Variants in C3orf20 observed in about 807,000 individuals in gnomAD.
The protein encoded by C3orf20 is uncharacterized protein C3orf20.
Under a neutral mutation model 88.3 loss-of-function variants are expected in C3orf20, and 76 were observed. That is an observed-to-expected ratio of 0.86 (90% CI 0.72 to 1.04). C3orf20 has a LOEUF of 1.04. Among genes scored for constraint, C3orf20 ranks in the 50% least tolerant of loss-of-function variants. The pLI is 0.00. For missense variants in C3orf20, 1,056 were observed against 1,123.3 expected (o/e 0.94, Z 0.86); for synonymous variants, 436 against 437.4 (o/e 1.00, Z 0.04).
intron 9 of C3orf20, among the ~76,000 whole-genome samples, chr3:14,716,771 A>G (rs1198993545): frequency 6.6e-6 from 1 of 152,184 alleles, no homozygotes; most frequent in East Asian, 1.9e-4. Context: ...AGAGGTTCTC[A>G]TCTCTGGCTG....
rs763781834 is a variant in C3orf20, at chr3:14,728,582, C to G, written c.1834C>G (p.Leu612Val). 1.2e-5 allele frequency: 20 copies of G among 1,614,240 alleles called. No individual in the cohort carries two copies. Among genetic ancestry groups the G allele is most frequent in the Non-Finnish European group, 2.5e-6 (3 of 1,180,044 alleles). Reference protein sequence around the residue: ...ESLLRSQSGHLESSIAETLKD... With the variant: ...ESLLRSQSGHVESSIAETLKD... The stretch of plus-strand genomic sequence containing the variant: ...TCTTTTACGATCTCAGTCAGGCCAC[C>G]TGGAATCCTCAATTGCAGAGACTTT... Residue 612 changes from leucine to valine, a missense_variant, in exon 12 of 17, where the codon CTG becomes GTG. Leu to Val is a conservative substitution (Grantham distance 32). Transcript: ENST00000253697.
At chr3:14,755,307 T>C (rs747466238) in intron 12 of C3orf20, among the ~76,000 whole-genome samples, 6 of 152,232 alleles carry the variant, frequency 3.9e-5, no homozygotes, top group Non-Finnish European at 5.9e-5. Flanking sequence ...TAGTTGACTT[T>C]ATCAATCTTT....
chr3:14,677,559 A>G (rs2031842835), intron 1 of C3orf20, among the ~76,000 whole-genome samples: 2 of 151,756 alleles, frequency 1.3e-5, no homozygotes, highest in African/African-American at 2.4e-5. Context: ...GGAGTGCAAT[A>G]GCGCGATCTC....
At chr3:14,705,717 G>A (rs1225576872) in intron 7 of C3orf20, among the ~76,000 whole-genome samples, 1 of 152,212 alleles carries the variant, frequency 6.6e-6, no homozygotes, top group Non-Finnish European at 1.5e-5. Context: ...TGAGGCCAGA[G>A]AGGGCAAAGC....
At chr3:14,698,129 T>C (rs1436008736) in intron 5 of C3orf20, among the ~76,000 whole-genome samples, 1 of 152,180 alleles carries the variant, frequency 6.6e-6, no homozygotes, top group Admixed American at 6.5e-5. Context: ...TTGAGGAATC[T>C]CCACACTGTC....
chr3:14,752,438 G>A (rs575604212), intron 12 of C3orf20, among the ~76,000 whole-genome samples: 9 of 152,230 alleles, frequency 5.9e-5, no homozygotes, highest in Non-Finnish European at 1.0e-4. Flanking sequence ...TAAAGACTTC[G>A]TGACTAAAAC....
intron 9 of C3orf20, among the ~76,000 whole-genome samples, chr3:14,720,585 T>G (rs1296212125): frequency 6.8e-6 from 1 of 147,674 alleles, no homozygotes; most frequent in Non-Finnish European, 1.5e-5. Flanking sequence ...TGTTGTTGTT[T>G]TTGGTTCAGA....
At chr3:14,732,327 A>G (rs1330205202) in intron 12 of C3orf20, among the ~76,000 whole-genome samples, 1 of 152,202 alleles carries the variant, frequency 6.6e-6, no homozygotes, top group African/African-American at 2.4e-5. Flanking sequence ...ACATTTCAAA[A>G]TTGGATTGTT....
chr3:14,724,330 A>G (rs1386442823), intron 10 of C3orf20, among the ~76,000 whole-genome samples: 1 of 152,172 alleles, frequency 6.6e-6, no homozygotes, highest in Non-Finnish European at 1.5e-5. Flanking sequence ...TGAAGTTTGG[A>G]ATGCAGCTGA....
chr3:14,681,067 T>C lies in C3orf20; in HGVS notation c.-298-1103T>C, dbSNP rs114045290. On this transcript the variant is annotated intron_variant, in intron 1 of 16. Coordinates refer to ENST00000253697, the MANE Select transcript of C3orf20 (RefSeq NM_032137.5). The stretch of plus-strand genomic sequence containing the variant: ...TGTTCCTTGGAGATTTTGTTATTGA[T>C]AGATGGACAGAGGCAGGTCAGAGGC... 1.1e-3 allele frequency among the ~76,000 whole-genome samples: 164 copies of C among 152,348 alleles called. 1 individual carries two copies. Among genetic ancestry groups the C allele is most frequent in the African/African-American group, 3.8e-3 (156 of 41,586 alleles).
At chr3:14,686,603 G>A (rs1246110631) in intron 4 of C3orf20, among the ~76,000 whole-genome samples, 2 of 152,058 alleles carry the variant, frequency 1.3e-5, no homozygotes, top group Non-Finnish European at 2.9e-5. Flanking sequence ...GAGCTTTTTT[G>A]TCATATACCT....
intron 7 of C3orf20, among the ~76,000 whole-genome samples, chr3:14,707,722 A>ATT (rs1249599556): frequency 6.6e-6 from 1 of 150,874 alleles, no homozygotes; most frequent in African/African-American, 2.4e-5. Context: ...ATGAAGTCCA[A>ATT]TTTTTTCCAC....
Position 14,761,553 on chromosome 3 carries a change from G to A in C3orf20, c.2433G>A (p.Gln811=). ...YGLSKQNLLK[Q]IFRSQQDYKM... is the part of the protein sequence containing the mutation. Reference sequence around the variant, plus strand: ...TCAGCAAGCAGAATCTGCTGAAACAGATCTTCCGGTCTCAACAGGATTACA... The same window carrying A: ...TCAGCAAGCAGAATCTGCTGAAACAAATCTTCCGGTCTCAACAGGATTACA... The change falls in exon 15 of 17, where the codon CAG becomes CAA. Residue 811 remains glutamine (Q), a synonymous_variant. Transcript: ENST00000253697. 6.2e-7 allele frequency: 1 copy of A among 1,614,060 alleles called. No homozygotes were observed. The highest frequency in any genetic ancestry group is 1.1e-5 in the South Asian group (1 of 91,074).
chr3:14,753,546 C>T (rs2035277487), intron 12 of C3orf20, among the ~76,000 whole-genome samples: 1 of 152,118 alleles, frequency 6.6e-6, no homozygotes, highest in African/African-American at 2.4e-5. Flanking sequence ...AGTCCAATAT[C>T]TGGGTTTCCT....
At chr3:14,685,702 T>G (rs1425968782) in intron 4 of C3orf20, among the ~76,000 whole-genome samples, 2 of 152,116 alleles carry the variant, frequency 1.3e-5, no homozygotes, top group Non-Finnish European at 2.9e-5. Flanking sequence ...TCAACCACCA[T>G]TCACTCTCTG....
At chr3:14,702,882 CA>C (rs2124933523) in intron 5 of C3orf20, among the ~76,000 whole-genome samples, 2 of 152,258 alleles carry the variant, frequency 1.3e-5, no homozygotes, top group South Asian at 4.1e-4. Context: ...AAATCAAAAG[CA>C]AGCTAGTTAC....
At chr3:14,676,488 T>G (rs1251883712) in intron 1 of C3orf20, among the ~76,000 whole-genome samples, 1 of 152,238 alleles carries the variant, frequency 6.6e-6, no homozygotes, top group Non-Finnish European at 1.5e-5. Flanking sequence ...TTCCTAGTTA[T>G]TTTTAATTGT....
rs2033277953 is a variant in C3orf20 at position 14,701,868 on chromosome 3, C to G, written c.746-1262C>G. Among the ~76,000 whole-genome samples, 1 of 152,174 alleles carries G rather than the reference C, an allele frequency of 6.6e-6. No individual in the cohort carries two copies. The highest frequency in any genetic ancestry group is 2.1e-4 in the South Asian group (1 of 4,832). ...TTGCACAAGTCAGTCCCTGACACAT[C>G]CATCACAGATGACTCGCAGTATGAG... On this transcript the variant is annotated intron_variant, in intron 5 of 16. Transcript: ENST00000253697. The surrounding 1 kb of genome is among the most constrained non-coding windows in gnomAD (Gnocchi z 4.6).
At position 14,682,751 on chromosome 3, in the gene C3orf20, A is replaced by C; in HGVS notation, c.38A>C (p.Gln13Pro). 1 of 1,613,896 alleles carries C rather than the reference A, an allele frequency of 6.2e-7. No individual in the cohort carries two copies. The highest frequency in any genetic ancestry group is 8.5e-7 in the Non-Finnish European group (1 of 1,179,894). Residue 13 changes from glutamine (Q) to proline (P), a missense_variant, in exon 3 of 17, where the codon CAA (glutamine) becomes CCA (proline). By Grantham distance (76) the Gln-to-Pro change is moderately conservative. Coordinates refer to ENST00000253697, the MANE Select transcript of C3orf20 (RefSeq NM_032137.5). ...AAGAGTAACCTAGAATTATATCAGC[A>C]ATACACAGCCATGGCCCCCAAGCTA... is the stretch of plus-strand genomic sequence containing the variant. ...YIKSNLELYQ[Q>P]YTAMAPKLLA... is the part of the protein sequence containing the mutation.
Sources: gnomAD v4.1 joint callset for allele counts (sites outside exome capture counted in the v4.1 genomes callset) on GRCh38, gnomAD v4.1.1 for gene constraint, Gnocchi (gnomAD v3.1) non-coding constraint, MANE v1.5 for transcripts, NCBI Gene and HGNC (gene_info 2026-07-23, HGNC 2026-07-21) for gene names.